Variants in GGNBP2 observed in about 807,000 individuals in gnomAD.
GGNBP2 encodes gametogenetin binding protein 2.
Under a neutral mutation model 85.9 loss-of-function variants are expected in GGNBP2, and 10 were observed. The ratio of observed to expected loss-of-function variants is 0.12; its 90% confidence interval spans 0.07 to 0.20. The LOEUF (loss-of-function observed/expected upper bound fraction) is 0.20, where lower values mean the gene tolerates loss of function less well. Among genes scored for constraint, GGNBP2 ranks in the 10% least tolerant of loss-of-function variants. The probability of loss-of-function intolerance (pLI) is 1.00; values close to 1 mark genes in which losing one functional copy is unlikely to be tolerated. For missense variants in GGNBP2, 595 were observed against 857.8 expected (o/e 0.69, Z 3.83); for synonymous variants, 287 against 285.7 (o/e 1.00, Z -0.05).
intron 6 of GGNBP2, among the ~76,000 whole-genome samples, chr17:36,575,648 A>ATTTTTTTTTTT (rs71274856): frequency 4.4e-4 from 24 of 54,896 alleles, no homozygotes; most frequent in South Asian, 1.7e-3. Flanking sequence ...ATATATATAT[A>ATTTTTTTTTTT]TTTTTTTTTT....
intron 4 of GGNBP2, among the ~76,000 whole-genome samples, chr17:36,559,081 C>T (rs73278823): frequency 0.046 from 7,011 of 151,700 alleles, 558 homozygotes; most frequent in African/African-American, 0.16. Context: ...GGGTGGATCA[C>T]CAGAGGTCAG....
chr17:36,556,234 T>A (rs2074359752), intron 3 of GGNBP2, among the ~76,000 whole-genome samples: 1 of 152,204 alleles, frequency 6.6e-6, no homozygotes, highest in South Asian at 2.1e-4. Flanking sequence ...AGCAGCATGC[T>A]AGTTACTTCC....
In GGNBP2 at chr17:36,554,888, G is replaced by T. The variant is rs762652222; in HGVS notation, c.162G>T (p.Lys54Asn). 2 of 1,597,134 alleles carry T rather than the reference G, an allele frequency of 1.3e-6. No homozygotes were observed. The highest frequency in any genetic ancestry group is 1.7e-6 in the Non-Finnish European group (2 of 1,164,562). Residue 54 changes from lysine to asparagine, a missense_variant, in exon 3 of 14, where the codon AAG becomes AAT. Around this residue, in one of 9 missense-constraint regions of GGNBP2, gnomAD observed 216 missense variants for 293.4 expected, o/e 0.74. Transcript: ENST00000613102. Reference protein sequence around the residue: ...DGHQNNGAQLKQFIQRHGMLK... With the variant: ...DGHQNNGAQLNQFIQRHGMLK... ...ATCAGAATAATGGTGCACAGCTAAAGCAGTTCATTCAGGTAATAGTTTTTT... is the reference window on the plus strand; with the variant it reads ...ATCAGAATAATGGTGCACAGCTAAATCAGTTCATTCAGGTAATAGTTTTTT...
intron 4 of GGNBP2, among the ~76,000 whole-genome samples, chr17:36,559,691 G>A (rs999112339): frequency 1.3e-5 from 2 of 152,156 alleles, no homozygotes; most frequent in African/African-American, 4.8e-5. Flanking sequence ...AGGGCAGAAG[G>A]TGCAGCAAGG....
chr17:36,587,577 G>T (rs2074715269), intron 13 of GGNBP2: 1 of 241,650 alleles, frequency 4.1e-6, no homozygotes, highest in Non-Finnish European at 8.3e-6. Context: ...TAAACCCTTT[G>T]TAAAGTTAAA....
chr17:36,545,703 G>A lies in GGNBP2; in HGVS notation c.-22G>A, dbSNP rs200231802. 7 of 1,549,358 alleles carry A rather than the reference G, an allele frequency of 4.5e-6. No individual in the cohort carries two copies. The East Asian group carries it at 1.7e-4, about 38-fold the overall frequency. On this transcript the variant is annotated 5_prime_UTR_variant, in exon 2 of 14. Transcript: ENST00000613102. Reference sequence around the variant, plus strand: ...GCAGCTGGGAGGAGGTGGTGACGGTGGCAACGGCAGCGTCGGGGACGATGG... The same window carrying A: ...GCAGCTGGGAGGAGGTGGTGACGGTAGCAACGGCAGCGTCGGGGACGATGG...
intron 5 of GGNBP2, among the ~76,000 whole-genome samples, chr17:36,566,680 C>CA (rs60798466): frequency 0.037 from 4,979 of 134,644 alleles, 231 homozygotes; most frequent in African/African-American, 0.12. Context: ...GAATCTGTCT[C>CA]AAAAAAAAAA....
At chr17:36,574,867 G>A (rs919389552) in intron 6 of GGNBP2, 1 of 714,850 alleles carries the variant, frequency 1.4e-6, no homozygotes, top group South Asian at 1.5e-5. Flanking sequence ...TAGAGAGCTT[G>A]GCCAGGATGA....
chr17:36,572,130 T>G (rs1389544721), intron 6 of GGNBP2, among the ~76,000 whole-genome samples: 1 of 152,196 alleles, frequency 6.6e-6, no homozygotes, highest in Non-Finnish European at 1.5e-5. Flanking sequence ...TTTTATATCC[T>G]ATTTTTAACT....
intron 13 of GGNBP2, among the ~76,000 whole-genome samples, chr17:36,588,042 AC>A: frequency 6.6e-6 from 1 of 152,164 alleles, no homozygotes; most frequent in Non-Finnish European, 1.5e-5. Flanking sequence ...TATGGTAGCC[AC>A]CCTTCCATAC....
intron 9 of GGNBP2, 42 bp downstream of exon 9, chr17:36,581,580 C>G: frequency 6.9e-7 from 1 of 1,452,674 alleles, no homozygotes; most frequent in Non-Finnish European, 9.5e-7. Context: ...GTATGTATTG[C>G]TTGTAGATAG....
At chr17:36,586,948 C>G (rs2074707812) in intron 12 of GGNBP2, 49 bp from the exon 13 acceptor site, 8 of 1,340,114 alleles carry the variant, frequency 6.0e-6, no homozygotes, top group South Asian at 1.3e-5. Flanking sequence ...AGAATAATTG[C>G]TATTATATCA....
intron 7 of GGNBP2, chr17:36,578,731 A>C (rs2074615925): frequency 6.4e-6 from 1 of 155,258 alleles, no homozygotes; most frequent in Non-Finnish European, 1.4e-5. Flanking sequence ...TATTTAGGGT[A>C]TCAACCCTCA....
At chr17:36,554,222 T>C (rs2074338096) in intron 2 of GGNBP2, among the ~76,000 whole-genome samples, 1 of 149,216 alleles carries the variant, frequency 6.7e-6, no homozygotes, top group Admixed American at 6.7e-5. Flanking sequence ...GGCAGGAGAA[T>C]TGCTTGAACC....
rs1477356661 is a variant in GGNBP2 at position 36,581,552 on chromosome 17, A to G, written c.1215+14A>G. ...AGCCAAGAGAAGGTAATATTTCTTA[A>G]TATCAACTCTTAAGTGTGTATGTAT... is the stretch of plus-strand genomic sequence containing the variant. On this transcript the variant is annotated intron_variant, in intron 9 of 13. Coordinates refer to ENST00000613102, the MANE Select transcript of GGNBP2 (RefSeq NM_024835.5). 6 of 1,576,316 alleles carry G rather than the reference A, an allele frequency of 3.8e-6. No individual in the cohort carries two copies. Among genetic ancestry groups the G allele is most frequent in the South Asian group, 1.1e-5 (1 of 89,320 alleles).
At chr17:36,583,344 G>A (rs1027158552) in intron 9 of GGNBP2, among the ~76,000 whole-genome samples, 3 of 152,052 alleles carry the variant, frequency 2.0e-5, no homozygotes, top group East Asian at 1.9e-4. Context: ...GAGCCACCGC[G>A]CCTGACGGAA....
At chr17:36,563,008 G>C (rs1020639873) in intron 5 of GGNBP2, among the ~76,000 whole-genome samples, 4 of 136,316 alleles carry the variant, frequency 2.9e-5, no homozygotes, top group Admixed American at 1.5e-4. Flanking sequence ...GCTCACGCCT[G>C]TAATCCCAGC....
chr17:36,576,850 G>C (rs1318432807), intron 6 of GGNBP2: 3 of 151,798 alleles, frequency 2.0e-5, no homozygotes, highest in African/African-American at 7.3e-5. Flanking sequence ...GCTGTGAATG[G>C]CAGTGTTCTT....
At chr17:36,549,122 G>A (rs1599494275) in intron 2 of GGNBP2, among the ~76,000 whole-genome samples, 1 of 152,234 alleles carries the variant, frequency 6.6e-6, no homozygotes, top group South Asian at 2.1e-4. Flanking sequence ...TTTATACTCT[G>A]GCTAAAATGT....
Sources: allele counts gnomAD v4.1 joint callset (sites outside exome capture counted in the v4.1 genomes callset), GRCh38; gene constraint gnomAD v4.1.1; regional missense constraint gnomAD v4.1.1; transcripts MANE v1.5; gene names NCBI Gene and HGNC (gene_info 2026-07-23, HGNC 2026-07-21).